The following BTBD1 variants were observed in gnomAD, a reference collection of about 807,000 sequenced individuals.
The protein encoded by BTBD1 is BTB/POZ domain-containing protein 1.
BTBD1 carries 34 observed loss-of-function variants against 48.0 expected under a neutral mutation model. The observed-to-expected ratio is 0.71, with a 90% CI of 0.54 to 0.94. The LOEUF is 0.94. Among genes scored for constraint, BTBD1 ranks in the 40% least tolerant of loss-of-function variants. The pLI is 0.00. For synonymous variants in BTBD1, 261 were observed against 242.1 expected (o/e 1.08, Z -0.72); for missense variants, 543 against 625.6 (o/e 0.87, Z 1.41).
chr15:83,036,053 T>C (rs369919474), intron 4 of BTBD1, among the ~76,000 whole-genome samples: 2 of 137,232 alleles, frequency 1.5e-5, no homozygotes, highest in South Asian at 2.3e-4. Context: ...GGAAATCAAT[T>C]AATGTAGTTC....
At chr15:83,040,198 T>C (rs904510837) in intron 4 of BTBD1, among the ~76,000 whole-genome samples, 7 of 151,668 alleles carry the variant, frequency 4.6e-5, no homozygotes, top group African/African-American at 1.5e-4. Flanking sequence ...GACATAAAGA[T>C]GGAAACAATA....
chr15:83,036,370 C>T (rs770682819), intron 4 of BTBD1, among the ~76,000 whole-genome samples: 19 of 152,150 alleles, frequency 1.2e-4, no homozygotes, highest in Non-Finnish European at 2.4e-4. Context: ...GAAATACGTC[C>T]TCACATCCAC....
At chr15:83,056,656 C>T (rs1596443872) in intron 1 of BTBD1, 111 bp from the exon 2 acceptor site, 1 of 885,654 alleles carries the variant, frequency 1.1e-6, no homozygotes, top group South Asian at 1.8e-5. Flanking sequence ...TTTATGTTTT[C>T]ATCCATCCAT....
chr15:83,039,333 C>T (rs13329195), intron 4 of BTBD1, among the ~76,000 whole-genome samples: 63,226 of 151,876 alleles, frequency 0.42, 13,703 homozygotes, highest in Middle Eastern at 0.52. Context: ...TGAGATACCA[C>T]CTCATACTCC....
chr15:83,060,547 A>G (rs1596445191), intron 1 of BTBD1, among the ~76,000 whole-genome samples: 2 of 151,816 alleles, frequency 1.3e-5, no homozygotes, highest in East Asian at 3.9e-4. Context: ...TAATCCCAGC[A>G]CTTTGGGAGG....
rs1199363187 is a variant in BTBD1, at chr15:83,018,205, G to A, written c.1311C>T (p.Gly437=). Residue 437 remains glycine (G), a synonymous_variant, in exon 8 of 8, where the codon GGC becomes GGT. Transcript: ENST00000261721. ...ATLKGPDSHY[G]TKGLKKVVHE... ...GCACTACTTTCTTCAATCCTTTTGT[G>A]CCATAGTGGGAATCTGGACCCTAAA... is the stretch of plus-strand genomic sequence containing the variant. 2 of 1,598,136 alleles carry A rather than the reference G, an allele frequency of 1.3e-6. No homozygotes were observed. The highest frequency in any genetic ancestry group is 1.2e-5 in the South Asian group (1 of 86,882).
At chr15:83,019,507 C>T (rs2032242752) in intron 6 of BTBD1, among the ~76,000 whole-genome samples, 1 of 152,020 alleles carries the variant, frequency 6.6e-6, no homozygotes, top group South Asian at 2.1e-4. Flanking sequence ...TATTATTTTA[C>T]TCACAGTATT....
At chr15:83,033,361 C>T (rs568994466) in intron 4 of BTBD1, among the ~76,000 whole-genome samples, 73 of 152,140 alleles carry the variant, frequency 4.8e-4, no homozygotes, top group African/African-American at 1.7e-3. Context: ...TAGAAGCACA[C>T]ATCTGGTCAT....
intron 4 of BTBD1, among the ~76,000 whole-genome samples, chr15:83,035,571 G>T (rs2032610189): frequency 6.6e-6 from 1 of 151,928 alleles, no homozygotes; most frequent in Non-Finnish European, 1.5e-5. Flanking sequence ...CTGTGGGGGG[G>T]AAGGATGCTG....
In BTBD1 at chr15:83,017,216, T is replaced by C. The variant is rs1018629673; in HGVS notation, c.*851A>G. ...TTAGAAATGTTAGTATTTTATTCGG[T>C]TTCTTGCTGTGAAGGATTATCACAA... On this transcript the variant is annotated 3_prime_UTR_variant, in exon 8 of 8. Transcript: ENST00000261721. 1.3e-5 allele frequency: 2 copies of C among 152,606 alleles called. No individual in the cohort carries two copies. Among genetic ancestry groups the C allele is most frequent in the Non-Finnish European group, 2.9e-5 (2 of 68,036 alleles). The allele number at this position is 152,606 out of a possible 1,614,324, so 9.5% of individuals were successfully genotyped here.
intron 1 of BTBD1, among the ~76,000 whole-genome samples, chr15:83,062,714 T>C (rs1431480347): frequency 6.7e-6 from 1 of 150,188 alleles, no homozygotes; most frequent in Non-Finnish European, 1.5e-5. Context: ...TGGAGCTAAG[T>C]AGAGCTTTGG....
At chr15:83,052,815 T>TG (rs1567111441) in intron 2 of BTBD1, among the ~76,000 whole-genome samples, 5 of 144,292 alleles carry the variant, frequency 3.5e-5, no homozygotes, top group Admixed American at 2.1e-4. Context: ...TTTTTTTTTT[T>TG]TTTTTTAGTA....
At chr15:83,057,288 G>A (rs545859231) in intron 1 of BTBD1, among the ~76,000 whole-genome samples, 1 of 152,162 alleles carries the variant, frequency 6.6e-6, no homozygotes, top group East Asian at 1.9e-4. Flanking sequence ...TAGACTGCTT[G>A]GGTTTGAGCT....
chr15:83,043,531 G>C (rs527751374), intron 3 of BTBD1, among the ~76,000 whole-genome samples: 1 of 152,300 alleles, frequency 6.6e-6, no homozygotes, highest in East Asian at 1.9e-4. Context: ...CTATAGTGAA[G>C]ACAATATCAG....
At chr15:83,051,877 T>TATACACACACACACACACACACACAC (rs1555441191) in intron 2 of BTBD1, among the ~76,000 whole-genome samples, 5 of 138,902 alleles carry the variant, frequency 3.6e-5, no homozygotes, top group African/African-American at 1.1e-4. Context: ...TCCATATATA[T>TATACACACACACACACACACACACAC]ACACACACAC....
At chr15:83,051,871 T>TACACACACACACACACACACAC (rs1181498879) in intron 2 of BTBD1, among the ~76,000 whole-genome samples, 3 of 7,846 alleles carry the variant, frequency 3.8e-4, no homozygotes, top group African/African-American at 3.6e-3. Context: ...TTTTTTTCCA[T>TACACACACACACACACACACAC]ATATATACAC....
At position 83,017,806 on chromosome 15, in the gene BTBD1, A is replaced by G. The variant is rs1400805113; in HGVS notation, c.*261T>C. ...TAAGTCAGCCAATCTATGAAATTAT[A>G]CAAGATGAAGGTGAAAAAGCTGTGC... On this transcript the variant is annotated 3_prime_UTR_variant, in exon 8 of 8. Transcript: ENST00000261721. The G allele has an allele frequency of 4.7e-6, 1 of 211,500 alleles. No homozygotes were observed. Among genetic ancestry groups the G allele is most frequent in the Admixed American group, 5.8e-5 (1 of 17,180 alleles). The allele number at this position is 211,500 out of a possible 1,614,324, so 13.1% of individuals were successfully genotyped here. A position where few individuals can be genotyped will look rare whatever the true frequency, so the allele number is the denominator to read the frequency against.
Position 83,033,788 on chromosome 15 carries a change from C to T in BTBD1, c.863-3460G>A, listed in dbSNP as rs376328238. On this transcript the variant is annotated intron_variant, in intron 4 of 7. Transcript: ENST00000261721. ...TAAAGACAGGGTTTCGCCATTTTGC[C>T]GAGGCTGGTCTTGAACTCGACTCAA... 2.5e-4 allele frequency among the ~76,000 whole-genome samples: 38 copies of T among 151,908 alleles called. No homozygotes were observed. The East Asian group carries it at 4.6e-3, about 19-fold the overall frequency.
At chr15:83,028,156 A>G (rs917116802) in intron 5 of BTBD1, among the ~76,000 whole-genome samples, 5 of 152,246 alleles carry the variant, frequency 3.3e-5, no homozygotes, top group Non-Finnish European at 5.9e-5. Context: ...CAGAATTATA[A>G]TAACACTGCT....
Sources: gnomAD v4.1 joint callset for allele counts (sites outside exome capture counted in the v4.1 genomes callset) on GRCh38, gnomAD v4.1.1 for gene constraint, MANE v1.5 for transcripts, NCBI Gene and HGNC (gene_info 2026-07-23, HGNC 2026-07-21) for gene names.